Variants in DAAM2 observed in about 807,000 individuals in gnomAD.
DAAM2 encodes disheveled-associated activator of morphogenesis 2.
Under a neutral mutation model 120.7 loss-of-function variants are expected in DAAM2, and 39 were observed. That is an observed-to-expected ratio of 0.32 (90% confidence interval 0.25 to 0.42). DAAM2 has a LOEUF of 0.42. Ranked by LOEUF, DAAM2 falls within the 10% of genes least tolerant of loss-of-function variation. The pLI, the probability that DAAM2 is intolerant of heterozygous loss-of-function variation, is 1.00. For synonymous variants in DAAM2, 488 were observed against 524.9 expected (o/e 0.93, Z 0.96); for missense variants, 1,283 against 1,401.7 (o/e 0.92, Z 1.35).
chr6:39,863,172 T>C lies in DAAM2; in HGVS notation c.259-1261T>C, dbSNP rs559215563. Among the ~76,000 whole-genome samples the C allele has an allele frequency of 7.2e-5, 11 of 151,948 alleles. No homozygotes were observed. In the South Asian group the frequency reaches 2.1e-3, roughly 29 times the overall value. ...TCCGTACTTTCAGAGCTCAGCACAG[T>C]GATTGGCATCTAGTAGGTCCCCATT... is the stretch of plus-strand genomic sequence containing the variant. On this transcript the variant is annotated intron_variant, in intron 3 of 24. Coordinates refer to ENST00000274867, the MANE Select transcript of DAAM2 (RefSeq NM_001201427.2).
At chr6:39,851,301 C>T (rs1763798327) in intron 1 of DAAM2, among the ~76,000 whole-genome samples, 1 of 152,252 alleles carries the variant, frequency 6.6e-6, no homozygotes, top group Admixed American at 6.5e-5. Flanking sequence ...TAGCTATGTC[C>T]CTAACTAGCT....
At chr6:39,807,057 T>C (rs534096400) in intron 1 of DAAM2, among the ~76,000 whole-genome samples, 4 of 152,208 alleles carry the variant, frequency 2.6e-5, no homozygotes, top group African/African-American at 9.6e-5. Flanking sequence ...GGAAAGAAGA[T>C]ATGTTCAGGA....
chr6:39,865,366 A>C (rs1357685241), intron 5 of DAAM2, among the ~76,000 whole-genome samples: 1 of 152,194 alleles, frequency 6.6e-6, no homozygotes, highest in African/African-American at 2.4e-5. Context: ...TGGTAAGGGG[A>C]TAGAATAGGA....
chr6:39,847,136 C>T (rs1763627707), intron 1 of DAAM2, among the ~76,000 whole-genome samples: 1 of 152,216 alleles, frequency 6.6e-6, no homozygotes, highest in Non-Finnish European at 1.5e-5. Context: ...GCCATGTGCA[C>T]AGGCCCTGCT....
intron 1 of DAAM2, among the ~76,000 whole-genome samples, chr6:39,839,793 G>A (rs1763252418): frequency 6.6e-6 from 1 of 152,236 alleles, no homozygotes; most frequent in South Asian, 2.1e-4. Flanking sequence ...TCACACAGGT[G>A]AGCACAGACT....
chr6:39,888,634 G>C (rs745768363), intron 16 of DAAM2, 45 bp from the exon 17 acceptor site: 3 of 1,562,238 alleles, frequency 1.9e-6, no homozygotes, highest in South Asian at 1.1e-5. Flanking sequence ...TTTTGGAGAA[G>C]AAGGTTTGAG....
chr6:39,797,404 A>G (rs961162037), intron 1 of DAAM2, among the ~76,000 whole-genome samples: 4 of 152,242 alleles, frequency 2.6e-5, no homozygotes, highest in African/African-American at 4.8e-5. Flanking sequence ...TATGAGATTG[A>G]TATTAACCAC....
In DAAM2 at chr6:39,797,283, C is replaced by A. The variant is rs571773259; in HGVS notation, c.-57+4818C>A. Among the ~76,000 whole-genome samples the A allele has an allele frequency of 3.3e-5, 5 of 152,206 alleles. No homozygotes were observed. In the Middle Eastern group the frequency reaches 0.01, roughly 311 times the overall value. On this transcript the variant is annotated intron_variant, in intron 1 of 24. Transcript: ENST00000274867. The stretch of plus-strand genomic sequence containing the variant: ...GAGGACAGAAATCATTGAGGCAGTA[C>A]CTAACATTAAAATCTAATAATGATG...
At chr6:39,897,719 C>T (rs569402529) in intron 21 of DAAM2, among the ~76,000 whole-genome samples, 1 of 152,272 alleles carries the variant, frequency 6.6e-6, no homozygotes, top group Admixed American at 6.5e-5. Context: ...CTCATTAGCA[C>T]CTTAAATCTC....
chr6:39,892,863 C>A (rs1053161690), intron 19 of DAAM2, among the ~76,000 whole-genome samples: 4 of 152,098 alleles, frequency 2.6e-5, no homozygotes, highest in African/African-American at 9.7e-5. Flanking sequence ...GATCTTGTTC[C>A]CCCTCACACT....
intron 5 of DAAM2, 81 bp downstream of exon 5, chr6:39,865,155 C>G: frequency 1.2e-6 from 1 of 828,776 alleles, no homozygotes. Context: ...CTGTGCAGTG[C>G]TCTGCTCCCA....
Position 39,808,177 on chromosome 6 carries a change from A to G in DAAM2, c.-57+15712A>G, listed in dbSNP as rs143980547. 4.1e-3 allele frequency among the ~76,000 whole-genome samples: 620 copies of G among 152,040 alleles called. 4 individuals carry two copies. In the Middle Eastern group the frequency reaches 0.065, roughly 16 times the overall value. The stretch of plus-strand genomic sequence containing the variant: ...CGTAGTAGTATAGGTTGGTCCAAAA[A>G]TTATGGCAAAAACCATGATTACTTT... On this transcript the variant is annotated intron_variant, in intron 1 of 24. Coordinates refer to ENST00000274867, the MANE Select transcript of DAAM2 (RefSeq NM_001201427.2).
At chr6:39,858,995 C>A (rs1178975918) in intron 2 of DAAM2, among the ~76,000 whole-genome samples, 1 of 152,184 alleles carries the variant, frequency 6.6e-6, no homozygotes, top group Non-Finnish European at 1.5e-5. Flanking sequence ...GAGCAGTCAG[C>A]AGTCAGTCAT....
chr6:39,828,877 C>T, intron 1 of DAAM2, among the ~76,000 whole-genome samples: 1 of 152,186 alleles, frequency 6.6e-6, no homozygotes, highest in East Asian at 1.9e-4. Context: ...GACTTAATCA[C>T]TTCCCAAAAG....
At chr6:39,855,883 G>T (rs1354378407) in intron 1 of DAAM2, among the ~76,000 whole-genome samples, 1 of 152,220 alleles carries the variant, frequency 6.6e-6, no homozygotes, top group South Asian at 2.1e-4. Context: ...TCTTACGGAA[G>T]ACAGGGAATA....
chr6:39,887,324 A>T, intron 15 of DAAM2, 162 bp from the exon 16 acceptor site: 1 of 567,472 alleles, frequency 1.8e-6, no homozygotes, highest in East Asian at 3.0e-5. Flanking sequence ...CGTCTCTTAA[A>T]GTTAGCTATT....
At chr6:39,818,200 A>AC (rs1285616910) in intron 1 of DAAM2, among the ~76,000 whole-genome samples, 4,418 of 147,918 alleles carry the variant, frequency 0.03, 245 homozygotes, top group African/African-American at 0.11. Flanking sequence ...AAAAAAAAAA[A>AC]AAAAAACTTC....
rs138128419 is a variant in DAAM2, at chr6:39,814,827, C to G, written c.-57+22362C>G. Among the ~76,000 whole-genome samples the G allele has an allele frequency of 6.8e-3, 1,034 of 152,346 alleles. 11 individuals carry two copies. Among genetic ancestry groups the G allele is most frequent in the African/African-American group, 0.023 (955 of 41,576 alleles). The stretch of plus-strand genomic sequence containing the variant: ...CAGCATCTGTTCTCACCACGTGGCT[C>G]TTCCTCCAGGAAGTTTTCCAGGTTG... On this transcript the variant is annotated intron_variant, in intron 1 of 24. Coordinates refer to ENST00000274867, the MANE Select transcript of DAAM2 (RefSeq NM_001201427.2).
At chr6:39,840,218 C>T (rs1763271695) in intron 1 of DAAM2, among the ~76,000 whole-genome samples, 1 of 151,886 alleles carries the variant, frequency 6.6e-6, no homozygotes, top group Non-Finnish European at 1.5e-5. Flanking sequence ...TAGAGTGAGA[C>T]AATGTCTCAA....
Sources: gnomAD v4.1 joint callset for allele counts (sites outside exome capture counted in the v4.1 genomes callset) on GRCh38, gnomAD v4.1.1 for gene constraint, MANE v1.5 for transcripts, NCBI Gene and HGNC (gene_info 2026-07-23, HGNC 2026-07-21) for gene names.